The following FARP1 variants were observed in gnomAD, a reference collection of about 807,000 sequenced individuals.
FARP1 encodes FERM, ARHGEF and pleckstrin domain-containing protein 1.
In FARP1, 52 loss-of-function variants were observed where a neutral mutation model predicts 128.8. The observed-to-expected ratio is 0.40, with a 90% confidence interval of 0.32 to 0.51. The LOEUF (loss-of-function observed/expected upper bound fraction) is 0.51, where lower values mean the gene tolerates loss of function less well. Among genes scored for constraint, FARP1 ranks in the 20% least tolerant of loss-of-function variants. The pLI is 0.45. For missense variants in FARP1, 1,333 were observed against 1,367.9 expected (o/e 0.97, Z 0.40); for synonymous variants, 580 against 551.8 (o/e 1.05, Z -0.72).
intron 2 of FARP1, among the ~76,000 whole-genome samples, chr13:98,217,415 G>T (rs899916159): frequency 7.2e-5 from 11 of 152,172 alleles, no homozygotes; most frequent in African/African-American, 2.7e-4. Flanking sequence ...GAGAGCAGGG[G>T]CAGGAGTTAG....
chr13:98,232,478 G>T (rs139343548), intron 2 of FARP1, among the ~76,000 whole-genome samples: 2 of 152,102 alleles, frequency 1.3e-5, no homozygotes, highest in African/African-American at 4.8e-5. Flanking sequence ...CAGATATTGC[G>T]TTTTTTACAA....
rs1878056473 is a variant in FARP1 at position 98,176,586 on chromosome 13, A to T, written c.-24+33094A>T. ...TCTCCCACCCGAGCTTGTAATCGGA[A>T]CGGTCGTGGAGGAATTTGCAGCTGT... On this transcript the variant is annotated intron_variant, in intron 1 of 26. Coordinates refer to ENST00000319562, the MANE Select transcript of FARP1 (RefSeq NM_005766.4). This position sits in a 1 kb window ranked among gnomAD's most constrained non-coding sequence, Gnocchi z 6.2. 1 of 1,614,088 alleles carries T rather than the reference A, an allele frequency of 6.2e-7. No homozygotes were observed. Among genetic ancestry groups the T allele is most frequent in the Non-Finnish European group, 8.5e-7 (1 of 1,180,038 alleles).
chr13:98,238,970 G>A (rs921898755), intron 2 of FARP1, among the ~76,000 whole-genome samples: 18 of 152,104 alleles, frequency 1.2e-4, no homozygotes, highest in Admixed American at 8.5e-4. Context: ...CTTAGCATGC[G>A]TTACCTTTGT....
chr13:98,302,676 G>A (rs1428339480), intron 2 of FARP1, among the ~76,000 whole-genome samples: 1 of 152,230 alleles, frequency 6.6e-6, no homozygotes, highest in African/African-American at 2.4e-5. Context: ...TCCCATTGGG[G>A]TGAGAATGGA....
At chr13:98,351,370 T>C (rs1394018397) in intron 3 of FARP1, among the ~76,000 whole-genome samples, 1 of 152,176 alleles carries the variant, frequency 6.6e-6, no homozygotes, top group Admixed American at 6.5e-5. Flanking sequence ...CCCAGCACTT[T>C]GCGAGGCCGA....
At position 98,453,278 on chromosome 13, in the gene FARP1, T is replaced by G. The variant is rs1893287537; in HGVS notation, c.*4961T>G. ...CATCCCTGTGCAAAAATTCATATAG[T>G]AACCAAAATCTTAGTTTTCATAAGA... On this transcript the variant is annotated 3_prime_UTR_variant, in exon 27 of 27. Coordinates refer to ENST00000319562, the MANE Select transcript of FARP1 (RefSeq NM_005766.4). 1 of 1,496,400 alleles carries G rather than the reference T, an allele frequency of 6.7e-7. No homozygotes were observed. Among genetic ancestry groups the G allele is most frequent in the Admixed American group, 2.0e-5 (1 of 49,520 alleles). 92.7% of individuals were successfully genotyped at this position (1,496,400 alleles called of 1,614,324 possible). A position where few individuals can be genotyped will look rare whatever the true frequency, so the allele number is the denominator to read the frequency against.
chr13:98,435,636 A>G lies in FARP1; in HGVS notation c.2204A>G (p.Glu735Gly), dbSNP rs761227154. The change falls in exon 19 of 27, where the codon GAG becomes GGG. Residue 735 changes from glutamate (E) to glycine (G), a missense_variant. Coordinates refer to ENST00000319562, the MANE Select transcript of FARP1 (RefSeq NM_005766.4). Reference protein sequence around the residue: ...AQLHGTMIKMENFQKLHELKK... With the variant: ...AQLHGTMIKMGNFQKLHELKK... Reference sequence around the variant, plus strand: ...CTCCACGGTACGATGATCAAGATGGAGAATTTCCAGAAGCTGCACGAACTC... The same window carrying G: ...CTCCACGGTACGATGATCAAGATGGGGAATTTCCAGAAGCTGCACGAACTC... 5.0e-6 allele frequency: 8 copies of G among 1,614,096 alleles called. No homozygotes were observed. The highest frequency in any genetic ancestry group is 6.8e-6 in the Non-Finnish European group (8 of 1,179,986).
intron 2 of FARP1, among the ~76,000 whole-genome samples, chr13:98,274,569 T>C (rs1195595357): frequency 1.3e-5 from 2 of 152,004 alleles, no homozygotes; most frequent in Non-Finnish European, 2.9e-5. Context: ...TTAGGCAAAC[T>C]CCTCCCCTAA....
At chr13:98,295,013 G>A (rs991196094) in intron 2 of FARP1, among the ~76,000 whole-genome samples, 11 of 133,878 alleles carry the variant, frequency 8.2e-5, no homozygotes, top group African/African-American at 2.3e-4. Context: ...GCAAAACTCC[G>A]TCTCAGAAAA....
intron 4 of FARP1, among the ~76,000 whole-genome samples, chr13:98,367,489 C>CTTT (rs200185112): frequency 1.4e-5 from 2 of 144,424 alleles, no homozygotes; most frequent in Admixed American, 6.9e-5. Flanking sequence ...TGTTTTCTTT[C>CTTT]TTTTTTTTTT....
chr13:98,339,536 A>G (rs1887876630), intron 2 of FARP1, among the ~76,000 whole-genome samples: 1 of 152,180 alleles, frequency 6.6e-6, no homozygotes, highest in Admixed American at 6.5e-5. Flanking sequence ...TGCCATTGTC[A>G]TGTAGTGGGT....
At chr13:98,327,026 C>G (rs1887266031) in intron 2 of FARP1, among the ~76,000 whole-genome samples, 1 of 152,218 alleles carries the variant, frequency 6.6e-6, no homozygotes, top group Admixed American at 6.5e-5. Flanking sequence ...AATACTGTCG[C>G]TCTGAATAAC....
chr13:98,176,087 G>A lies in FARP1; in HGVS notation c.-24+32595G>A, dbSNP rs1877993760. ...TGGTTACATACTCAGGCATGGGATT[G>A]CAGGAAGACTGTCATCTCTCTCATC... On this transcript the variant is annotated intron_variant, in intron 1 of 26. Coordinates refer to ENST00000319562, the MANE Select transcript of FARP1 (RefSeq NM_005766.4). This position sits in a 1 kb window ranked among gnomAD's most constrained non-coding sequence, Gnocchi z 6.2. 2.4e-6 allele frequency: 3 copies of A among 1,273,112 alleles called. No individual in the cohort carries two copies. Among genetic ancestry groups the A allele is most frequent in the African/African-American group, 1.5e-5 (1 of 67,196 alleles). 78.9% of individuals were successfully genotyped at this position (1,273,112 alleles called of 1,614,324 possible).
Position 98,377,745 on chromosome 13 carries a change from C to A in FARP1, c.399-76C>A, listed in dbSNP as rs1338953612. The A allele has an allele frequency of 2.9e-6, 3 of 1,024,144 alleles. No homozygotes were observed. The Admixed American group carries it at 5.3e-5, about 18-fold the overall frequency. The allele number at this position is 1,024,144 out of a possible 1,614,324, so 63.4% of individuals were successfully genotyped here. A position where few individuals can be genotyped will look rare whatever the true frequency, so the allele number is the denominator to read the frequency against. Reference sequence around the variant, plus strand: ...TTGGGGTTTGCATCCCTCTCCTTGGCCTCTCATGGTGAGGCCAGGTTCCCG... The same window carrying A: ...TTGGGGTTTGCATCCCTCTCCTTGGACTCTCATGGTGAGGCCAGGTTCCCG... On this transcript the variant is annotated intron_variant, in intron 5 of 26. Transcript: ENST00000319562.
At chr13:98,358,796 C>T (rs4338646) in intron 3 of FARP1, among the ~76,000 whole-genome samples, 6,232 of 152,030 alleles carry the variant, frequency 0.041, 160 homozygotes, top group Middle Eastern at 0.095. Context: ...CCACCACGCC[C>T]GGCTAATTTT....
chr13:98,430,362 G>A (rs145361742), intron 17 of FARP1, among the ~76,000 whole-genome samples: 1,583 of 152,336 alleles, frequency 0.01, 24 homozygotes, highest in African/African-American at 0.03. Flanking sequence ...TTTGTGTCCT[G>A]GGGTGTCCCC....
intron 2 of FARP1, among the ~76,000 whole-genome samples, chr13:98,268,262 C>A (rs1199481378): frequency 6.6e-6 from 1 of 152,126 alleles, no homozygotes; most frequent in Non-Finnish European, 1.5e-5. Context: ...GAGTCAAGAC[C>A]AAGTGGACCA....
rs1457146668 is a variant in FARP1, at chr13:98,248,931, TA to T, written c.171+35519del. On this transcript the variant is annotated intron_variant, in intron 2 of 26. Coordinates refer to ENST00000319562, the MANE Select transcript of FARP1 (RefSeq NM_005766.4). ...TGTGCCTTACAGAGAAAACGGGTGT[TA>T]GGGAAGCTTCATTTAGGCATAAGTT... Among the ~76,000 whole-genome samples, 31 of 152,222 alleles carry T rather than the reference TA, an allele frequency of 2.0e-4. 1 individual carries two copies. The highest frequency in any genetic ancestry group is 1.8e-3 in the Admixed American group (28 of 15,288).
At chr13:98,274,594 A>AT (rs1394806630) in intron 2 of FARP1, among the ~76,000 whole-genome samples, 1 of 152,194 alleles carries the variant, frequency 6.6e-6, no homozygotes, top group East Asian at 1.9e-4. Flanking sequence ...AAACAATGAG[A>AT]TAAACAGCAG....
Sources: allele counts gnomAD v4.1 joint callset (sites outside exome capture counted in the v4.1 genomes callset), GRCh38; gene constraint gnomAD v4.1.1; non-coding constraint Gnocchi (gnomAD v3.1); transcripts MANE v1.5; gene names NCBI Gene and HGNC (gene_info 2026-07-23, HGNC 2026-07-21).